Variants in PLEKHG4B observed in about 807,000 individuals in gnomAD.
The protein encoded by PLEKHG4B is pleckstrin homology domain-containing family G member 4B.
In PLEKHG4B, 111 loss-of-function variants were observed where a neutral mutation model predicts 121.3. That is an observed-to-expected ratio of 0.92 (90% CI 0.78 to 1.07). The LOEUF is 1.07. PLEKHG4B is among the 50% of genes least tolerant of loss of function. The pLI is 0.00. For synonymous variants in PLEKHG4B, 738 were observed against 725.0 expected (o/e 1.02, Z -0.29); for missense variants, 1,831 against 1,757.8 (o/e 1.04, Z -0.74).
chr5:131,898 T>C (rs1734790409), intron 2 of PLEKHG4B, among the ~76,000 whole-genome samples: 1 of 152,172 alleles, frequency 6.6e-6, no homozygotes, highest in Non-Finnish European at 1.5e-5. Flanking sequence ...GTCTGTTGGC[T>C]GCATAAATGG....
At chr5:142,961 A>G (rs1735272274) in intron 3 of PLEKHG4B, 86 bp from the exon 4 acceptor site, 2 of 1,305,526 alleles carry the variant, frequency 1.5e-6, no homozygotes, top group Non-Finnish European at 2.2e-6. Context: ...TTTTTGTCCC[A>G]TGGTTCATAG....
chr5:180,343 C>G (rs1736892934), intron 18 of PLEKHG4B, among the ~76,000 whole-genome samples: 1 of 152,164 alleles, frequency 6.6e-6, no homozygotes, highest in South Asian at 2.1e-4. Flanking sequence ...TTTTCAGGTC[C>G]CCACTGAATG....
chr5:140,840 A>G, intron 3 of PLEKHG4B, 124 bp downstream of exon 3: 1 of 496,036 alleles, frequency 2.0e-6, no homozygotes, highest in Non-Finnish European at 3.2e-6. Context: ...GCACACCACC[A>G]CAACCTCCCC....
intron 2 of PLEKHG4B, among the ~76,000 whole-genome samples, chr5:138,010 C>T (rs773597390): frequency 6.6e-6 from 1 of 152,216 alleles, no homozygotes; most frequent in Non-Finnish European, 1.5e-5. Context: ...CACGCGCAGA[C>T]GTTTCTGAAA....
chr5:118,955 A>G (rs1490947410), intron 2 of PLEKHG4B, among the ~76,000 whole-genome samples: 3 of 151,658 alleles, frequency 2.0e-5, no homozygotes, highest in African/African-American at 7.3e-5. Context: ...GGCTCAAGCG[A>G]TCCTCCCACC....
chr5:118,073 C>A (rs1172103538), intron 2 of PLEKHG4B, among the ~76,000 whole-genome samples: 1 of 152,052 alleles, frequency 6.6e-6, no homozygotes, highest in Non-Finnish European at 1.5e-5. Context: ...CAGCAACATT[C>A]AAAGGATTAC....
At chr5:116,664 G>A (rs1415673951) in intron 2 of PLEKHG4B, among the ~76,000 whole-genome samples, 1 of 152,218 alleles carries the variant, frequency 6.6e-6, no homozygotes, top group African/African-American at 2.4e-5. Context: ...AAGGCACCTG[G>A]CTAGGTCCTA....
rs552305133 is a variant in PLEKHG4B, at chr5:164,750, A to T, written c.3476+1202A>T. 1.0e-4 allele frequency among the ~76,000 whole-genome samples: 13 copies of T among 127,676 alleles called. No individual in the cohort carries two copies. In the East Asian group the frequency reaches 3.1e-3, roughly 30 times the overall value. 83.8% of individuals were successfully genotyped at this position (127,676 alleles called of 152,430 possible). On this transcript the variant is annotated intron_variant, in intron 13 of 19. Transcript: ENST00000637938. Reference sequence around the variant, plus strand: ...CTAATACTCTGACGGGGCGGGGCTCACAGTAATCCTCTGACGGGGCGGAGC... The same window carrying T: ...CTAATACTCTGACGGGGCGGGGCTCTCAGTAATCCTCTGACGGGGCGGAGC...
At chr5:142,558 ACACAGT>A (rs1735247513) in intron 3 of PLEKHG4B, among the ~76,000 whole-genome samples, 4 of 151,494 alleles carry the variant, frequency 2.6e-5, no homozygotes, top group African/African-American at 9.7e-5. Flanking sequence ...AATACCACAC[ACACAGT>A]CACACACCAC....
rs758549990 is a variant in PLEKHG4B, at chr5:169,339, G to A, written c.3477-1G>A. 7.4e-6 allele frequency: 12 copies of A among 1,613,592 alleles called. No individual in the cohort carries two copies. ...CCCCCCGGGATCTCTGTGTCTTCCA[G>A]CAGCCGACTGAGGCACATCATGGCC... is the stretch of plus-strand genomic sequence containing the variant. On this transcript the variant is annotated splice_acceptor_variant, in intron 13 of 19. Transcript: ENST00000637938. LOFTEE classifies it high-confidence loss of function.
chr5:148,682 T>C (rs1735508441), intron 6 of PLEKHG4B, among the ~76,000 whole-genome samples: 1 of 152,170 alleles, frequency 6.6e-6, no homozygotes, highest in South Asian at 2.1e-4. Flanking sequence ...GCAATCCCTA[T>C]CAAAATTAAG....
rs1345727903 is a variant in PLEKHG4B, at chr5:140,353, G to T, written c.1114G>T (p.Ala372Ser). 1 of 1,551,788 alleles carries T rather than the reference G, an allele frequency of 6.4e-7. No individual in the cohort carries two copies. The highest frequency in any genetic ancestry group is 1.4e-5 in the African/African-American group (1 of 73,426). Residue 372 changes from alanine (A) to serine (S), a missense_variant, in exon 3 of 20, where the codon GCC becomes TCC. Ala to Ser is a moderately conservative substitution (Grantham distance 99, BLOSUM62 1). Transcript: ENST00000637938. ...NPMPLGSSEE[A>S]LGDLACSSLT... Reference sequence around the variant, plus strand: ...CATGCCCCTGGGCAGCTCTGAGGAGGCCCTCGGGGACCTGGCCTGCAGCTC... The same window carrying T: ...CATGCCCCTGGGCAGCTCTGAGGAGTCCCTCGGGGACCTGGCCTGCAGCTC...
intron 2 of PLEKHG4B, among the ~76,000 whole-genome samples, chr5:129,897 C>T (rs1487007262): frequency 6.6e-6 from 1 of 151,954 alleles, no homozygotes. Flanking sequence ...GAATGTACAA[C>T]TTAGAATGTT....
At position 168,378 on chromosome 5, in the gene PLEKHG4B, C is replaced by T. The variant is rs375791055; in HGVS notation, c.3477-962C>T. 8.5e-5 allele frequency among the ~76,000 whole-genome samples: 13 copies of T among 152,356 alleles called. No homozygotes were observed. In the South Asian group the frequency reaches 2.7e-3, roughly 32 times the overall value. Reference sequence around the variant, plus strand: ...CCCCGGCCTTGCTCTCCGGCCACTGCAGCCCCCGAGTACCCCTGAAGCTGC... The same window carrying T: ...CCCCGGCCTTGCTCTCCGGCCACTGTAGCCCCCGAGTACCCCTGAAGCTGC... On this transcript the variant is annotated intron_variant, in intron 13 of 19. Coordinates refer to ENST00000637938, the MANE Select transcript of PLEKHG4B (RefSeq NM_052909.5).
At position 174,266 on chromosome 5, in the gene PLEKHG4B, C is replaced by T. The variant is rs1301042314; in HGVS notation, c.4402+168C>T. ...TGTGGTCGGGGACTGAGTCCAGGGG[C>T]TGGGGAATGGGGGCTGGGGCTGGGG... is the stretch of plus-strand genomic sequence containing the variant. On this transcript the variant is annotated intron_variant, in intron 18 of 19. Transcript: ENST00000637938. Among the ~76,000 whole-genome samples, 7 of 74,810 alleles carry T rather than the reference C, an allele frequency of 9.4e-5. No individual in the cohort carries two copies. In the Admixed American group the frequency reaches 1.2e-3, roughly 12 times the overall value. 49.1% of individuals were successfully genotyped at this position (74,810 alleles called of 152,430 possible). A position where few individuals can be genotyped will look rare whatever the true frequency, so the allele number is the denominator to read the frequency against.
Position 182,023 on chromosome 5 carries a change from C to A in PLEKHG4B, c.4584C>A (p.Ser1528=). The A allele has an allele frequency of 6.2e-7, 1 of 1,614,028 alleles. No homozygotes were observed. The highest frequency in any genetic ancestry group is 8.5e-7 in the Non-Finnish European group (1 of 1,179,936). Residue 1528 remains serine, a synonymous_variant, in exon 20 of 20, where the codon TCC becomes TCA. Transcript: ENST00000637938. ...TTCCAGAGTCACAAATGAGAGGGTC[C>A]ACAGCGGTGTCCTCCTCTGACCACG... ...VKGTESQMRG[S]TAVSSSDHAA... is the part of the protein sequence containing the mutation.
At chr5:161,680 T>C (rs1184493996) in intron 11 of PLEKHG4B, 103 bp from the exon 12 acceptor site, 2 of 1,504,516 alleles carry the variant, frequency 1.3e-6, no homozygotes, top group Non-Finnish European at 1.8e-6. Context: ...CTGTGGGCCG[T>C]CCGAGCCTTG....
At chr5:111,496 A>T (rs1734156466) in intron 1 of PLEKHG4B, among the ~76,000 whole-genome samples, 1 of 152,104 alleles carries the variant, frequency 6.6e-6, no homozygotes, top group Non-Finnish European at 1.5e-5. Context: ...GGCCCTGGAG[A>T]AGGTGGCCCT....
At chr5:164,856 GGCGGGGC>G (rs1560945571) in intron 13 of PLEKHG4B, among the ~76,000 whole-genome samples, 2 of 127,938 alleles carry the variant, frequency 1.6e-5, no homozygotes, top group African/African-American at 3.1e-5. Flanking sequence ...TGTGACAGGG[GGCGGGGC>G]TCACAGTAAT....
Sources: gnomAD v4.1 joint callset for allele counts (sites outside exome capture counted in the v4.1 genomes callset) on GRCh38, gnomAD v4.1.1 for gene constraint, MANE v1.5 for transcripts, NCBI Gene and HGNC (gene_info 2026-07-23, HGNC 2026-07-21) for gene names.